The following UIMC1 variants were observed in gnomAD, a reference collection of about 807,000 sequenced individuals.
UIMC1 encodes BRCA1-A complex subunit RAP80.
Under a neutral mutation model 84.9 loss-of-function variants are expected in UIMC1, and 42 were observed. The ratio of observed to expected loss-of-function variants is 0.49; its 90% CI spans 0.39 to 0.64. The LOEUF is 0.64. Ranked by LOEUF, UIMC1 falls within the 30% of genes least tolerant of loss-of-function variation. UIMC1 has a pLI of 0.00. For synonymous variants in UIMC1, 281 were observed against 293.0 expected (o/e 0.96, Z 0.42); for missense variants, 825 against 847.6 (o/e 0.97, Z 0.33).
chr5:176,950,159 G>C (rs534841492), intron 9 of UIMC1, among the ~76,000 whole-genome samples: 2 of 144,386 alleles, frequency 1.4e-5, no homozygotes, highest in African/African-American at 5.3e-5. Context: ...GAGTGCAGTG[G>C]CGCGATCTCA....
At chr5:176,966,079 T>C (rs1287397022) in intron 6 of UIMC1, among the ~76,000 whole-genome samples, 2 of 152,194 alleles carry the variant, frequency 1.3e-5, no homozygotes, top group Non-Finnish European at 2.9e-5. Context: ...AAAAAAAATT[T>C]CTTTAAATAA....
At chr5:176,911,764 A>C (rs916335416) in intron 10 of UIMC1, among the ~76,000 whole-genome samples, 7 of 152,192 alleles carry the variant, frequency 4.6e-5, no homozygotes, top group African/African-American at 1.7e-4. Context: ...GAGGTCCTCT[A>C]TGAAATATAG....
intron 2 of UIMC1, among the ~76,000 whole-genome samples, chr5:176,978,091 G>A (rs1770424847): frequency 6.6e-6 from 1 of 152,092 alleles, no homozygotes; most frequent in Non-Finnish European, 1.5e-5. Context: ...CAGTTGGTAG[G>A]CCGGGTGCGG....
At chr5:176,949,982 G>A (rs1455427741) in intron 9 of UIMC1, among the ~76,000 whole-genome samples, 2 of 151,676 alleles carry the variant, frequency 1.3e-5, no homozygotes, top group Non-Finnish European at 2.9e-5. Flanking sequence ...AAAACTCCGG[G>A]AGGTGGAGAT....
Position 176,908,525 on chromosome 5 carries a change from T to G in UIMC1, c.1846A>C (p.Lys616Gln). 1 of 1,613,294 alleles carries G rather than the reference T, an allele frequency of 6.2e-7. No homozygotes were observed. The highest frequency in any genetic ancestry group is 8.5e-7 in the Non-Finnish European group (1 of 1,179,762). ...TTCCCAAAACACTCTACACATACCT[T>G]TGGGTTCTTCAGCCTCTGCTGCCAC... ...GKWQQRLKNPKEKGHSEGRLL... is the reference protein window; with the variant it reads ...GKWQQRLKNPQEKGHSEGRLL... Residue 616 changes from lysine (K) to glutamine (Q), a missense_variant and splice_region_variant, in exon 12 of 15, where the codon AAG becomes CAG. Lys to Gln is a moderately conservative substitution (Grantham distance 53). Coordinates refer to ENST00000511320, the MANE Select transcript of UIMC1 (RefSeq NM_001199298.2).
intron 3 of UIMC1, among the ~76,000 whole-genome samples, chr5:176,973,617 A>G (rs1480584132): frequency 2.6e-5 from 4 of 152,008 alleles, no homozygotes; most frequent in Admixed American, 2.6e-4. Context: ...TAAATTTTAA[A>G]AAATAGCTGG....
chr5:176,977,595 AAAG>A (rs1422470192), intron 2 of UIMC1, among the ~76,000 whole-genome samples: 14,521 of 143,398 alleles, frequency 0.1, 1,898 homozygotes, highest in African/African-American at 0.31. Flanking sequence ...AAAAAAAAAA[AAAG>A]AAAAGAAAAA....
In UIMC1 at chr5:177,001,774, CTAAAAA is replaced by C. The variant is rs1774506845; in HGVS notation, c.-9+4870_-9+4875del. ...CTAACACAGTGAAAACCCGGCTCTACTAAAAAAAAAAAAAAAATACAAAACATTAGT... is the reference window on the plus strand; with the variant it reads ...CTAACACAGTGAAAACCCGGCTCTACAAAAAAAAAAATACAAAACATTAGT... On this transcript the variant is annotated intron_variant, in intron 1 of 14. Transcript: ENST00000511320. Among the ~76,000 whole-genome samples the C allele has an allele frequency of 7.0e-5, 10 of 142,176 alleles. No individual in the cohort carries two copies. In the South Asian group the frequency reaches 2.3e-3, roughly 32 times the overall value. The allele number at this position is 142,176 out of a possible 152,430, so 93.3% of individuals were successfully genotyped here.
intron 1 of UIMC1, among the ~76,000 whole-genome samples, chr5:177,017,349 C>A (rs1775694525): frequency 6.6e-6 from 1 of 152,084 alleles, no homozygotes; most frequent in South Asian, 2.1e-4. Flanking sequence ...ATTGTCCCAC[C>A]CCATCCACAC....
chr5:176,908,458 T>C (rs2149386785), intron 12 of UIMC1, 65 bp downstream of exon 12: 1 of 1,534,184 alleles, frequency 6.5e-7, no homozygotes, highest in Non-Finnish European at 8.8e-7. Flanking sequence ...AGAACAGAAC[T>C]GTGGCCTCTT....
intron 10 of UIMC1, among the ~76,000 whole-genome samples, chr5:176,912,232 G>C (rs2149392451): frequency 6.6e-6 from 1 of 152,264 alleles, no homozygotes; most frequent in Non-Finnish European, 1.5e-5. Context: ...AGTCTTGGTA[G>C]GACATATGGT....
intron 6 of UIMC1, among the ~76,000 whole-genome samples, chr5:176,960,644 CGTCTCCGTCTCCGTCTCCGTCTCCCCACG>C (rs1460267902): frequency 6.7e-5 from 2 of 30,062 alleles, no homozygotes; most frequent in Admixed American, 2.0e-4. Context: ...TCTCCGTCTC[CGTCTCCGTCTCCGTCTCCGTCTCCCCACG>C]GTCTCCCTCT....
intron 2 of UIMC1, among the ~76,000 whole-genome samples, chr5:176,978,917 GC>G (rs1191929680): frequency 2.6e-5 from 4 of 152,116 alleles, no homozygotes; most frequent in African/African-American, 9.7e-5. Flanking sequence ...GTGCTCTATT[GC>G]TAGTATCAAT....
chr5:176,967,588 A>T (rs760568911), intron 6 of UIMC1, among the ~76,000 whole-genome samples: 2 of 152,128 alleles, frequency 1.3e-5, no homozygotes, highest in Non-Finnish European at 2.9e-5. Flanking sequence ...CCTATTCAAA[A>T]ATTTAACCTT....
chr5:176,977,632 AGGCGCAGT>A (rs1304268532), intron 2 of UIMC1, among the ~76,000 whole-genome samples: 106 of 151,098 alleles, frequency 7.0e-4, no homozygotes, highest in Admixed American at 4.6e-4. Flanking sequence ...AAAAAAGGCC[AGGCGCAGT>A]GGCTCACACC....
rs371529741 is a variant in UIMC1, at chr5:177,002,279, G to C, written c.-9+4371C>G. ...CTGCACTCCAGACTGGTGACAGTGA[G>C]ACCTTTTCCCAAAAAAATAAAAATA... On this transcript the variant is annotated intron_variant, in intron 1 of 14. Coordinates refer to ENST00000511320, the MANE Select transcript of UIMC1 (RefSeq NM_001199298.2). 3.9e-5 allele frequency among the ~76,000 whole-genome samples: 6 copies of C among 152,072 alleles called. No individual in the cohort carries two copies. The East Asian group carries it at 9.7e-4, about 25-fold the overall frequency.
rs754670195 is a variant in UIMC1 at position 176,905,409 on chromosome 5, G to T, written c.2033C>A (p.Pro678His). The T allele has an allele frequency of 6.2e-7, 1 of 1,614,120 alleles. No homozygotes were observed. Among genetic ancestry groups the T allele is most frequent in the South Asian group, 1.1e-5 (1 of 91,082 alleles). Residue 678 changes from proline (P) to histidine (H), a missense_variant, in exon 15 of 15, where the codon CCC (proline) becomes CAC (histidine). Transcript: ENST00000511320. The part of the protein sequence containing the change: ...SFTRRDLNES[P>H]VKSFVSISEA... ...TGAAATGGAAACAAAAGACTTGACGGGAGATTCATTTAAGTCACGACGTGT... is the reference window on the plus strand; with the variant it reads ...TGAAATGGAAACAAAAGACTTGACGTGAGATTCATTTAAGTCACGACGTGT...
intron 1 of UIMC1, among the ~76,000 whole-genome samples, chr5:177,019,996 C>CT (rs1193916555): frequency 1.3e-5 from 2 of 152,098 alleles, no homozygotes; most frequent in African/African-American, 4.8e-5. Context: ...CTTGGAAGCT[C>CT]TAGGGCCTGA....
intron 10 of UIMC1, among the ~76,000 whole-genome samples, chr5:176,913,090 C>A (rs566212401): frequency 6.6e-6 from 1 of 152,338 alleles, no homozygotes; most frequent in East Asian, 1.9e-4. Flanking sequence ...CACCTTTCCA[C>A]AAGTCACCTC....
Sources: allele counts gnomAD v4.1 joint callset (sites outside exome capture counted in the v4.1 genomes callset), GRCh38; gene constraint gnomAD v4.1.1; transcripts MANE v1.5; gene names NCBI Gene and HGNC (gene_info 2026-07-23, HGNC 2026-07-21).